ZNF468: variants seen among roughly 807,000 people sequenced by gnomAD.
ZNF468 encodes zinc finger protein ZNF468.
In ZNF468, 8 loss-of-function variants were observed where a neutral mutation model predicts 7.2. The observed-to-expected ratio is 1.11, with a 90% CI of 0.65 to 2.01. The LOEUF is 2.01. Among genes scored for constraint, ZNF468 ranks in the 30% most tolerant of loss-of-function variants. ZNF468 has a pLI of 0.00. For synonymous variants in ZNF468, 218 were observed against 214.4 expected (o/e 1.02, Z -0.15); for missense variants, 608 against 626.5 (o/e 0.97, Z 0.31).
At chr19:52,856,924 G>A (rs35231921) in intron 1 of ZNF468, among the ~76,000 whole-genome samples, 29,184 of 151,722 alleles carry the variant, frequency 0.19, 3,017 homozygotes, top group South Asian at 0.29. Context: ...TGGCCCACAC[G>A]ATCACAAGAG....
intron 3 of ZNF468, among the ~76,000 whole-genome samples, chr19:52,842,510 C>T (rs78425317): frequency 0.2 from 30,334 of 151,712 alleles, 3,530 homozygotes; most frequent in South Asian, 0.36. Flanking sequence ...ATATTTACAG[C>T]GTATTTAGGG....
chr19:52,848,190 C>T (rs932994129), intron 3 of ZNF468, among the ~76,000 whole-genome samples: 3 of 152,174 alleles, frequency 2.0e-5, no homozygotes, highest in African/African-American at 7.2e-5. Context: ...ACCTGTAATA[C>T]ATTCCCACCC....
intron 3 of ZNF468, among the ~76,000 whole-genome samples, chr19:52,843,042 A>G (rs1190162545): frequency 6.8e-6 from 1 of 146,674 alleles, no homozygotes; most frequent in African/African-American, 2.5e-5. Flanking sequence ...AATCGCTTGA[A>G]CTCGGGAGGC....
intron 3 of ZNF468, among the ~76,000 whole-genome samples, chr19:52,843,588 G>A (rs1046528211): frequency 9.2e-5 from 14 of 152,040 alleles, no homozygotes; most frequent in African/African-American, 1.7e-4. Flanking sequence ...ACCACATACC[G>A]AACACTCATA....
intron 2 of ZNF468, 191 bp downstream of exon 2, chr19:52,854,067 C>A: frequency 6.6e-7 from 1 of 1,514,082 alleles, no homozygotes; most frequent in Non-Finnish European, 8.8e-7. Flanking sequence ...CCAGTGCAGC[C>A]TCTTCCCAAG....
rs1249904901 is a variant in ZNF468 at position 52,841,869 on chromosome 19, G to A, written c.425C>T (p.Ser142Leu). The change falls in exon 4 of 4, where the codon TCA (serine) becomes TTA (leucine). Residue 142 changes from serine (S) to leucine (L), a missense_variant. Transcript: ENST00000595646. Reference protein sequence around the residue: ...GNKRIKDQLGSSFHLHLPEPH... With the variant: ...GNKRIKDQLGLSFHLHLPEPH... Reference sequence around the variant, plus strand: ...TTCAGGCAGATGCAAATGAAAGCTTGATCCAAGCTGATCTTTAATACGCTT... The same window carrying A: ...TTCAGGCAGATGCAAATGAAAGCTTAATCCAAGCTGATCTTTAATACGCTT... 13 of 1,614,062 alleles carry A rather than the reference G, an allele frequency of 8.1e-6. No individual in the cohort carries two copies. In the South Asian group the frequency reaches 1.2e-4, roughly 15 times the overall value.
intron 2 of ZNF468, among the ~76,000 whole-genome samples, chr19:52,850,678 T>A: frequency 6.6e-6 from 1 of 151,904 alleles, no homozygotes; most frequent in South Asian, 2.1e-4. Flanking sequence ...GGTGGGCGGA[T>A]CACGAGGTCA....
Position 52,842,011 on chromosome 19 carries a change from G to C in ZNF468, c.283C>G (p.His95Asp). Residue 95 changes from histidine to aspartate, a missense_variant, in exon 4 of 4, where the codon CAT (histidine) becomes GAT (aspartate). Coordinates refer to ENST00000595646, the MANE Select transcript of ZNF468 (RefSeq NM_001008801.2). ...FCFHEIEKDI[H>D]GFEFQWKEDE... is the part of the protein sequence containing the mutation. The stretch of plus-strand genomic sequence containing the variant: ...TCTTTCCACTGAAACTCGAAGCCAT[G>C]AATGTCTTTCTCAATTTCATGGAAA... The C allele has an allele frequency of 6.2e-7, 1 of 1,613,948 alleles. No homozygotes were observed. Among genetic ancestry groups the C allele is most frequent in the Non-Finnish European group, 8.5e-7 (1 of 1,179,924 alleles).
intron 3 of ZNF468, among the ~76,000 whole-genome samples, chr19:52,847,253 G>A (rs1443734633): frequency 1.3e-5 from 2 of 152,032 alleles, no homozygotes; most frequent in Non-Finnish European, 2.9e-5. Context: ...TGTGCAGGGT[G>A]TGCCTTGTTA....
At chr19:52,856,080 T>G (rs4803010) in intron 1 of ZNF468, among the ~76,000 whole-genome samples, 1 of 146,372 alleles carries the variant, frequency 6.8e-6, no homozygotes, top group African/African-American at 2.5e-5. Context: ...CTGATGAAAT[T>G]GACTCCCAAC....
chr19:52,844,192 T>C (rs189953225), intron 3 of ZNF468, among the ~76,000 whole-genome samples: 5 of 152,274 alleles, frequency 3.3e-5, no homozygotes, highest in African/African-American at 7.2e-5. Flanking sequence ...TAAGAGGATG[T>C]CCCTGCAGAT....
chr19:52,841,284 G>A lies in ZNF468; in HGVS notation c.1010C>T (p.Ala337Val), dbSNP rs1471692407. Residue 337 changes from alanine (A) to valine (V), a missense_variant, in exon 4 of 4, where the codon GCA (alanine) becomes GTA (valine). By Grantham distance (64) the Ala-to-Val change is moderately conservative. Transcript: ENST00000595646. The part of the protein sequence containing the change: ...YKCKVCDEAF[A>V]YNSYLAKHTI... ...ATGTTTTGCCAGATATGAATTATAT[G>A]CGAAAGCCTCATCACAAACCTTACA... 3 of 1,609,448 alleles carry A rather than the reference G, an allele frequency of 1.9e-6. No individual in the cohort carries two copies. The Admixed American group carries it at 5.0e-5, about 27-fold the overall frequency.
intron 2 of ZNF468, among the ~76,000 whole-genome samples, chr19:52,850,397 C>T (rs1040539621): frequency 6.6e-6 from 1 of 152,100 alleles, no homozygotes; most frequent in African/African-American, 2.4e-5. Context: ...GGAAAAATCG[C>T]AAAGGACCCA....
In ZNF468 at chr19:52,841,565, A is replaced by C. The variant is rs745725356; in HGVS notation, c.729T>G (p.Cys243Trp). The change falls in exon 4 of 4, where the codon TGT (cysteine) becomes TGG (tryptophan). Residue 243 changes from cysteine (C) to tryptophan (W), a missense_variant. By Grantham distance (215) the Cys-to-Trp change is radical. Transcript: ENST00000595646. Reference protein sequence around the residue: ...HQIIHLEEKQCKCDVCGKVFN... With the variant: ...HQIIHLEEKQWKCDVCGKVFN... Reference sequence around the variant, plus strand: ...AGACCTTGCCACATACATCACATTTACATTGTTTCTCTTCTAAGTGAATTA... The same window carrying C: ...AGACCTTGCCACATACATCACATTTCCATTGTTTCTCTTCTAAGTGAATTA... 26 of 1,613,972 alleles carry C rather than the reference A, an allele frequency of 1.6e-5. No homozygotes were observed. The highest frequency in any genetic ancestry group is 1.6e-5 in the Non-Finnish European group (19 of 1,180,018).
At chr19:52,846,354 C>T (rs1274163258) in intron 3 of ZNF468, among the ~76,000 whole-genome samples, 2 of 152,058 alleles carry the variant, frequency 1.3e-5, no homozygotes, top group Admixed American at 6.6e-5. Context: ...CACCCACCAC[C>T]GCACCTGGCT....
At chr19:52,848,344 C>T (rs1357790851) in intron 3 of ZNF468, among the ~76,000 whole-genome samples, 1 of 152,128 alleles carries the variant, frequency 6.6e-6, no homozygotes, top group African/African-American at 2.4e-5. Context: ...CGTAGAGTCC[C>T]AGCCCTAGGT....
rs191643147 is a variant in ZNF468 at position 52,848,491 on chromosome 19, T to C, written c.142+596A>G. On this transcript the variant is annotated intron_variant, in intron 3 of 3. Transcript: ENST00000595646. ...ACATCAAGCTCTCTTCCAAGAATAC[T>C]GAGTCAAAAGCATAGGAGAAGCAAA... 3.0e-4 allele frequency among the ~76,000 whole-genome samples: 46 copies of C among 152,300 alleles called. No individual in the cohort carries two copies. The East Asian group carries it at 8.7e-3, about 29-fold the overall frequency.
At position 52,841,314 on chromosome 19, in the gene ZNF468, T is replaced by A; in HGVS notation, c.980A>T (p.Tyr327Phe). 1.2e-6 allele frequency: 2 copies of A among 1,614,016 alleles called. No homozygotes were observed. Residue 327 changes from tyrosine to phenylalanine, a missense_variant, in exon 4 of 4, where the codon TAC (tyrosine) becomes TTC (phenylalanine). By Grantham distance (22) the Tyr-to-Phe change is conservative. Coordinates refer to ENST00000595646, the MANE Select transcript of ZNF468 (RefSeq NM_001008801.2). Reference sequence around the variant, plus strand: ...AGCCTCATCACAAACCTTACATTTGTATGGTTTCTCTCCAGTATGAATCCT... The same window carrying A: ...AGCCTCATCACAAACCTTACATTTGAATGGTTTCTCTCCAGTATGAATCCT... The part of the protein sequence containing the change: ...HKRIHTGEKP[Y>F]KCKVCDEAFA...
At chr19:52,856,547 C>T (rs1358412105) in intron 1 of ZNF468, among the ~76,000 whole-genome samples, 5 of 139,480 alleles carry the variant, frequency 3.6e-5, no homozygotes, top group South Asian at 2.3e-4. Context: ...AATCTGGCAC[C>T]CCAGATCCCC....
Sources: allele counts gnomAD v4.1 joint callset (sites outside exome capture counted in the v4.1 genomes callset), GRCh38; gene constraint gnomAD v4.1.1; transcripts MANE v1.5; gene names NCBI Gene and HGNC (gene_info 2026-07-23, HGNC 2026-07-21).